The following FAM193A variants were observed in gnomAD, a reference collection of about 807,000 sequenced individuals.
FAM193A encodes protein FAM193A.
A neutral mutation model predicts 126.5 loss-of-function variants in FAM193A; 22 were observed. That is an observed-to-expected ratio of 0.17 (90% confidence interval 0.12 to 0.25). FAM193A has a LOEUF of 0.25. Among genes scored for constraint, FAM193A ranks in the 10% least tolerant of loss-of-function variants. FAM193A has a pLI of 1.00. For synonymous variants in FAM193A, 761 were observed against 646.8 expected, an observed-to-expected ratio of 1.18 and a Z score of -2.68; for missense variants, 1,675 against 1,672.8, an observed-to-expected ratio of 1.00 and a Z score of -0.02.
chr4:2,688,336 T>G (rs569577309), intron 13 of FAM193A, among the ~76,000 whole-genome samples: 98 of 152,214 alleles, frequency 6.4e-4, no homozygotes, highest in African/African-American at 2.2e-3. Flanking sequence ...CGCCTTGGTC[T>G]TGGGTGTTGG....
intron 2 of FAM193A, among the ~76,000 whole-genome samples, chr4:2,605,393 A>G (rs950609209): frequency 6.6e-6 from 1 of 152,184 alleles, no homozygotes; most frequent in Non-Finnish European, 1.5e-5. Flanking sequence ...CAGAAATGTA[A>G]TCGTACTGTG....
intron 10 of FAM193A, 92 bp from the exon 11 acceptor site, chr4:2,662,746 T>G: frequency 1.1e-6 from 1 of 907,326 alleles, no homozygotes; most frequent in South Asian, 1.9e-5. Flanking sequence ...AAAGCCGTGA[T>G]CTGTCCAGGA....
chr4:2,626,252 G>T (rs914125945), intron 3 of FAM193A, among the ~76,000 whole-genome samples, 158 bp from the exon 4 acceptor site: 1 of 152,134 alleles, frequency 6.6e-6, no homozygotes, highest in Non-Finnish European at 1.5e-5. Flanking sequence ...GCTGTGCTGG[G>T]GATGCCATCA....
intron 1 of FAM193A, among the ~76,000 whole-genome samples, chr4:2,593,741 C>G (rs34572468): frequency 0.26 from 39,519 of 152,052 alleles, 5,672 homozygotes; most frequent in Middle Eastern, 0.37. Context: ...AGCCCAGCAT[C>G]TCATTCTGTA....
At chr4:2,613,996 A>C (rs1577075824) in intron 2 of FAM193A, among the ~76,000 whole-genome samples, 1 of 146,124 alleles carries the variant, frequency 6.8e-6, no homozygotes, top group African/African-American at 2.5e-5. Context: ...GCTGGTGTTG[A>C]ACTCCTGGCC....
chr4:2,730,867 T>TG (rs1381617386), intron 20 of FAM193A, among the ~76,000 whole-genome samples: 2 of 151,890 alleles, frequency 1.3e-5, no homozygotes, highest in Non-Finnish European at 2.9e-5. Flanking sequence ...CACTCCAGCC[T>TG]GGGTGACAGA....
At chr4:2,703,821 A>T (rs1312060768) in intron 19 of FAM193A, among the ~76,000 whole-genome samples, 3 of 140,534 alleles carry the variant, frequency 2.1e-5, no homozygotes, top group African/African-American at 5.2e-5. Flanking sequence ...AAAAAAAGCC[A>T]CTTATCTGGG....
chr4:2,626,908 T>C (rs1743020931), intron 4 of FAM193A, among the ~76,000 whole-genome samples: 1 of 152,178 alleles, frequency 6.6e-6, no homozygotes, highest in African/African-American at 2.4e-5. Flanking sequence ...TTACAAGCAC[T>C]CTTGCCTTTA....
At chr4:2,568,126 T>C (rs1739077516) in intron 1 of FAM193A, among the ~76,000 whole-genome samples, 1 of 152,232 alleles carries the variant, frequency 6.6e-6, no homozygotes, top group Non-Finnish European at 1.5e-5. Context: ...GCAACTTCTC[T>C]AGTGATACTT....
chr4:2,705,787 C>T (rs530450047), intron 19 of FAM193A, among the ~76,000 whole-genome samples: 17 of 151,884 alleles, frequency 1.1e-4, no homozygotes, highest in African/African-American at 2.9e-4. Flanking sequence ...CAGGGTCTTG[C>T]TACATTGCCT....
intron 7 of FAM193A, 125 bp downstream of exon 7, chr4:2,646,957 G>C: frequency 9.5e-7 from 1 of 1,049,936 alleles, no homozygotes; most frequent in Non-Finnish European, 1.3e-6. Flanking sequence ...GCCCAGAGGC[G>C]CATGTGGGTA....
intron 2 of FAM193A, among the ~76,000 whole-genome samples, chr4:2,608,562 C>T (rs933798656): frequency 6.6e-6 from 1 of 152,106 alleles, no homozygotes; most frequent in South Asian, 2.1e-4. Flanking sequence ...AGATCATGGG[C>T]GGGTCAGCAA....
intron 19 of FAM193A, among the ~76,000 whole-genome samples, chr4:2,706,825 C>A (rs1577244528): frequency 6.6e-6 from 1 of 151,432 alleles, no homozygotes; most frequent in Non-Finnish European, 1.5e-5. Context: ...GTGCCTGGCT[C>A]CATTTAAAAA....
intron 1 of FAM193A, among the ~76,000 whole-genome samples, chr4:2,577,627 C>G (rs906951422): frequency 3.3e-5 from 5 of 151,950 alleles, no homozygotes; most frequent in African/African-American, 1.2e-4. Context: ...CCGTGTTGGC[C>G]AGGCTGGTCT....
chr4:2,711,145 C>A lies in FAM193A; in HGVS notation c.4373-4878C>A, dbSNP rs1295084600. Among the ~76,000 whole-genome samples, 10 of 152,216 alleles carry A rather than the reference C, an allele frequency of 6.6e-5. No individual in the cohort carries two copies. The East Asian group carries it at 1.9e-3, about 29-fold the overall frequency. ...GGGATTACAGGCGTGAGCCACCACGCCCGGCCACTGTGCTTTCTTTTGTTT... is the reference window on the plus strand; with the variant it reads ...GGGATTACAGGCGTGAGCCACCACGACCGGCCACTGTGCTTTCTTTTGTTT... On this transcript the variant is annotated intron_variant, in intron 19 of 20. Transcript: ENST00000637812.
At chr4:2,567,818 C>A (rs966365869) in intron 1 of FAM193A, among the ~76,000 whole-genome samples, 1 of 152,126 alleles carries the variant, frequency 6.6e-6, no homozygotes, top group African/African-American at 2.4e-5. Context: ...GTGTCCCTGC[C>A]GATGAAGTCT....
intron 2 of FAM193A, among the ~76,000 whole-genome samples, chr4:2,616,740 T>G (rs1016855007): frequency 1.3e-5 from 2 of 151,834 alleles, no homozygotes; most frequent in African/African-American, 2.4e-5. Context: ...TGTTTTTGTA[T>G]TTTTAGTAGA....
At chr4:2,660,191 A>C (rs1712255140) in intron 10 of FAM193A, 137 bp downstream of exon 10, 2 of 875,684 alleles carry the variant, frequency 2.3e-6, no homozygotes, top group South Asian at 3.6e-5. Context: ...TTTTTAATGC[A>C]GCTTTTAAAA....
At chr4:2,716,746 A>T (rs186524092) in intron 20 of FAM193A, among the ~76,000 whole-genome samples, 30 of 151,656 alleles carry the variant, frequency 2.0e-4, no homozygotes, top group Admixed American at 1.9e-3. Context: ...GCACGATCTC[A>T]GCTCACTGCA....
Sources: allele counts gnomAD v4.1 joint callset (sites outside exome capture counted in the v4.1 genomes callset), GRCh38; gene constraint gnomAD v4.1.1; transcripts MANE v1.5; gene names NCBI Gene and HGNC (gene_info 2026-07-23, HGNC 2026-07-21).